The following LRRN2 variants were observed in gnomAD, a reference collection of about 807,000 sequenced individuals.
The protein encoded by LRRN2 is leucine rich repeat neuronal 2.
LRRN2 carries 10 observed loss-of-function variants against 35.7 expected under a neutral mutation model. The ratio of observed to expected loss-of-function variants is 0.28; its 90% confidence interval spans 0.17 to 0.47. LRRN2 has a LOEUF of 0.47. Among genes scored for constraint, LRRN2 ranks in the 20% least tolerant of loss-of-function variants. The probability of loss-of-function intolerance (pLI) is 0.99; values close to 1 mark genes in which losing one functional copy is unlikely to be tolerated. For missense variants in LRRN2, 731 were observed against 940.3 expected (o/e 0.78, Z 2.91); for synonymous variants, 391 against 409.6 (o/e 0.95, Z 0.55).
At chr1:204,671,961 A>G (rs1359331353) in intron 1 of LRRN2, among the ~76,000 whole-genome samples, 2 of 152,228 alleles carry the variant, frequency 1.3e-5, no homozygotes, top group Non-Finnish European at 2.9e-5. Context: ...AGCTGTCCAC[A>G]TCGTCACTAA....
At position 204,685,439 on chromosome 1, in the gene LRRN2, C is replaced by G. The variant is rs897984818; in HGVS notation, c.-346G>C. 1.5e-3 allele frequency: 229 copies of G among 151,666 alleles called. No homozygotes were observed. The highest frequency in any genetic ancestry group is 5.1e-3 in the African/African-American group (213 of 41,446). The allele number at this position is 151,666 out of a possible 1,614,324, so 9.4% of individuals were successfully genotyped here. The stretch of plus-strand genomic sequence containing the variant: ...GCCCTCCCGCCGCGCGCGCCGTCTG[C>G]ACAGGCCGGGGAGGCTCGGCGGGCG... On this transcript the variant is annotated 5_prime_UTR_variant, in exon 1 of 2. Coordinates refer to ENST00000367177, the MANE Select transcript of LRRN2 (RefSeq NM_201630.2).
intron 1 of LRRN2, among the ~76,000 whole-genome samples, chr1:204,674,240 CTCTGTCCCCATCCAAAA>C (rs1037718558): frequency 6.6e-6 from 1 of 152,016 alleles, no homozygotes; most frequent in African/African-American, 2.4e-5. Context: ...ATAAGTGTGC[CTCTGTCCCCATCCAAAA>C]TCTGACCCAC....
intron 1 of LRRN2, among the ~76,000 whole-genome samples, chr1:204,633,877 G>A (rs1231461028): frequency 3.3e-5 from 5 of 152,208 alleles, no homozygotes; most frequent in Non-Finnish European, 5.9e-5. Context: ...GCCTAAGCTC[G>A]GCAGCCCTTC....
At chr1:204,663,408 G>A (rs1036357706) in intron 1 of LRRN2, among the ~76,000 whole-genome samples, 6 of 152,170 alleles carry the variant, frequency 3.9e-5, no homozygotes, top group African/African-American at 1.2e-4. Context: ...CTGTGTTCTT[G>A]GGTGACCTGT....
chr1:204,623,995 G>A (rs1238999178), intron 1 of LRRN2, among the ~76,000 whole-genome samples: 1 of 152,220 alleles, frequency 6.6e-6, no homozygotes, highest in Admixed American at 6.5e-5. Context: ...AGGTTGCACA[G>A]CTTCTATGCA....
intron 1 of LRRN2, among the ~76,000 whole-genome samples, chr1:204,671,403 T>TTGTGTGTG (rs60084787): frequency 3.9e-4 from 48 of 122,990 alleles, no homozygotes; most frequent in African/African-American, 1.1e-3. Context: ...GTTTGTGTGT[T>TTGTGTGTG]TGTGTGTGTG....
chr1:204,664,784 C>G lies in LRRN2; in HGVS notation c.-227+20536G>C, dbSNP rs531647065. The stretch of plus-strand genomic sequence containing the variant: ...GCTACCAACTTCCTTCTTGGAAGTC[C>G]CTCCCCGTCTTCTGCGTCTGCCTTG... On this transcript the variant is annotated intron_variant, in intron 1 of 1. Coordinates refer to ENST00000367177, the MANE Select transcript of LRRN2 (RefSeq NM_201630.2). Among the ~76,000 whole-genome samples the G allele has an allele frequency of 8.5e-5, 13 of 152,254 alleles. No homozygotes were observed. In the East Asian group the frequency reaches 2.5e-3, roughly 29 times the overall value.
At chr1:204,678,956 C>T (rs1361801912) in intron 1 of LRRN2, among the ~76,000 whole-genome samples, 1 of 152,230 alleles carries the variant, frequency 6.6e-6, no homozygotes, top group East Asian at 1.9e-4. Context: ...TCATTCACTG[C>T]TGTCTGCCCT....
intron 1 of LRRN2, among the ~76,000 whole-genome samples, chr1:204,675,590 T>C (rs1668809942): frequency 6.6e-6 from 1 of 152,228 alleles, no homozygotes; most frequent in African/African-American, 2.4e-5. Flanking sequence ...TCTGCCTCCT[T>C]CTTCCACCTT....
chr1:204,680,523 G>A (rs1668923850), intron 1 of LRRN2, among the ~76,000 whole-genome samples: 1 of 152,244 alleles, frequency 6.6e-6, no homozygotes, highest in South Asian at 2.1e-4. Flanking sequence ...AGGTCCCTAA[G>A]AAGTGCCAGA....
intron 1 of LRRN2, among the ~76,000 whole-genome samples, chr1:204,632,971 A>G (rs1667747646): frequency 6.6e-6 from 1 of 152,010 alleles, no homozygotes; most frequent in Admixed American, 6.6e-5. Flanking sequence ...TCACAATCCT[A>G]TGTTGCTATG....
chr1:204,653,617 C>T (rs1483632187), intron 1 of LRRN2, among the ~76,000 whole-genome samples: 1 of 152,116 alleles, frequency 6.6e-6, no homozygotes, highest in Non-Finnish European at 1.5e-5. Context: ...TCCTAGTGCT[C>T]TGGGAGGCAG....
chr1:204,644,708 A>G (rs1163918828), intron 1 of LRRN2, among the ~76,000 whole-genome samples: 1 of 152,212 alleles, frequency 6.6e-6, no homozygotes, highest in Non-Finnish European at 1.5e-5. Context: ...TCTCAAGAGC[A>G]GGGGCTGGCT....
Position 204,619,331 on chromosome 1 carries a change from G to C in LRRN2, c.662C>G (p.Ala221Gly), listed in dbSNP as rs750911351. 2.5e-6 allele frequency: 4 copies of C among 1,614,202 alleles called. 1 individual carries two copies. The highest frequency in any genetic ancestry group is 2.2e-5 in the South Asian group (2 of 91,088). ...GGAGATCTCCCGCAGGTTCATGCCT[G>C]CTAGCACCAGGCTACGCAGGTTGGC... ...PLANLRSLVL[A>G]GMNLREISDY... The change falls in exon 2 of 2, where the codon GCA becomes GGA. Residue 221 changes from alanine (A) to glycine (G), a missense_variant. Around this residue, in one of 3 missense-constraint regions of LRRN2, gnomAD observed 246 missense variants for 289.5 expected, o/e 0.85. Transcript: ENST00000367177.
intron 1 of LRRN2, among the ~76,000 whole-genome samples, chr1:204,655,879 T>C (rs2772224): frequency 0.93 from 140,799 of 152,146 alleles, 65,468 homozygotes; most frequent in East Asian, 1. Flanking sequence ...CCACGCTCCA[T>C]ATCTTTCCTT....
At chr1:204,642,898 G>C (rs1451389749) in intron 1 of LRRN2, among the ~76,000 whole-genome samples, 1 of 152,170 alleles carries the variant, frequency 6.6e-6, no homozygotes, top group African/African-American at 2.4e-5. Flanking sequence ...TCCCCTGGAA[G>C]GTGCAGCACC....
chr1:204,648,099 G>A (rs1344871077), intron 1 of LRRN2, among the ~76,000 whole-genome samples: 3 of 152,210 alleles, frequency 2.0e-5, no homozygotes, highest in Admixed American at 2.0e-4. Context: ...CTTGGAAGGT[G>A]AGCCCAGCTA....
intron 1 of LRRN2, among the ~76,000 whole-genome samples, chr1:204,630,385 C>A (rs1411049545): frequency 6.6e-6 from 1 of 152,098 alleles, no homozygotes; most frequent in Non-Finnish European, 1.5e-5. Flanking sequence ...GAATGGGGAG[C>A]AGCCCAGTTA....
At chr1:204,624,746 TCC>T (rs71147707) in intron 1 of LRRN2, among the ~76,000 whole-genome samples, 2 of 87,536 alleles carry the variant, frequency 2.3e-5, no homozygotes, top group South Asian at 1.0e-3. Context: ...CCCTGGCGGT[TCC>T]CCCCCCACCC....
Sources: allele counts gnomAD v4.1 joint callset (sites outside exome capture counted in the v4.1 genomes callset), GRCh38; gene constraint gnomAD v4.1.1; regional missense constraint gnomAD v4.1.1; transcripts MANE v1.5; gene names NCBI Gene and HGNC (gene_info 2026-07-23, HGNC 2026-07-21).